TMEM135: variants seen among roughly 807,000 people sequenced by gnomAD.
TMEM135 encodes the protein peroxisomal membrane protein 52.
Under a neutral mutation model 60.3 loss-of-function variants are expected in TMEM135, and 30 were observed. The ratio of observed to expected loss-of-function variants is 0.50; its 90% confidence interval spans 0.37 to 0.68. The LOEUF is 0.68. Ranked by LOEUF, TMEM135 falls within the 30% of genes least tolerant of loss-of-function variation. The pLI is 0.00. For missense variants in TMEM135, 468 were observed against 548.8 expected (o/e 0.85, Z 1.47); for synonymous variants, 190 against 186.7 (o/e 1.02, Z -0.14).
At chr11:87,047,499 C>T (rs1397097283) in intron 1 of TMEM135, among the ~76,000 whole-genome samples, 1 of 150,900 alleles carries the variant, frequency 6.6e-6, no homozygotes, top group Non-Finnish European at 1.5e-5. Flanking sequence ...CACTGCCTCA[C>T]CTGGGAAGCG....
chr11:87,207,671 T>G (rs1488642252), intron 5 of TMEM135, among the ~76,000 whole-genome samples: 2 of 152,170 alleles, frequency 1.3e-5, no homozygotes, highest in African/African-American at 4.8e-5. Flanking sequence ...TTTAATAAAT[T>G]TAACACTGTC....
chr11:87,290,635 GATA>G (rs1430411483), intron 6 of TMEM135, among the ~76,000 whole-genome samples: 3 of 152,150 alleles, frequency 2.0e-5, no homozygotes, highest in Non-Finnish European at 4.4e-5. Context: ...GTATTATCCT[GATA>G]ATGATAACAT....
At chr11:87,231,052 G>A (rs1202039756) in intron 5 of TMEM135, among the ~76,000 whole-genome samples, 1 of 152,006 alleles carries the variant, frequency 6.6e-6, no homozygotes, top group Admixed American at 6.6e-5. Context: ...TGAGATATAG[G>A]AAACAAATGT....
At chr11:87,141,101 A>C (rs1938249465) in intron 4 of TMEM135, among the ~76,000 whole-genome samples, 1 of 150,836 alleles carries the variant, frequency 6.6e-6, no homozygotes, top group Non-Finnish European at 1.5e-5. Context: ...TTTAATATAA[A>C]TTTTATACTC....
chr11:87,157,207 C>T, intron 4 of TMEM135, 134 bp from the exon 5 acceptor site: 1 of 787,884 alleles, frequency 1.3e-6, no homozygotes, highest in Non-Finnish European at 2.1e-6. Flanking sequence ...GCATATACAA[C>T]TTATTGATCG....
intron 4 of TMEM135, among the ~76,000 whole-genome samples, chr11:87,127,513 A>G (rs781182240): frequency 6.6e-6 from 1 of 152,200 alleles, no homozygotes; most frequent in Non-Finnish European, 1.5e-5. Context: ...GTGGAATTGA[A>G]CTTGTATGAT....
chr11:87,046,431 C>G (rs996261134), intron 1 of TMEM135, among the ~76,000 whole-genome samples: 6 of 152,232 alleles, frequency 3.9e-5, no homozygotes, highest in Non-Finnish European at 5.9e-5. Context: ...CCCAGTAACT[C>G]AGTTTTAAAG....
chr11:87,294,655 T>A (rs1942319066), intron 6 of TMEM135, among the ~76,000 whole-genome samples: 1 of 152,228 alleles, frequency 6.6e-6, no homozygotes, highest in Non-Finnish European at 1.5e-5. Flanking sequence ...AGTGCTGAGA[T>A]TACAGGTGTG....
In TMEM135 at chr11:87,118,650, A is replaced by G. The variant is rs182979185; in HGVS notation, c.396+27255A>G. Among the ~76,000 whole-genome samples, 281 of 152,044 alleles carry G rather than the reference A, an allele frequency of 1.8e-3. 1 individual carries two copies. The highest frequency in any genetic ancestry group is 6.3e-3 in the African/African-American group (260 of 41,478). ...TTTTTAGTACAGATGGGGTTTCACT[A>G]TGTTGGCCAAGCTGCTCTCCTGACC... On this transcript the variant is annotated intron_variant, in intron 4 of 14. Coordinates refer to ENST00000305494, the MANE Select transcript of TMEM135 (RefSeq NM_022918.4).
intron 6 of TMEM135, among the ~76,000 whole-genome samples, chr11:87,267,383 A>C (rs984188628): frequency 1.3e-5 from 2 of 152,170 alleles, no homozygotes; most frequent in Non-Finnish European, 2.9e-5. Context: ...TTTACACAAG[A>C]TAAGCATTCT....
chr11:87,206,003 T>C (rs374062427), intron 5 of TMEM135, among the ~76,000 whole-genome samples: 1 of 152,190 alleles, frequency 6.6e-6, no homozygotes, highest in Non-Finnish European at 1.5e-5. Flanking sequence ...TAATAAATCT[T>C]TGTTTTTCTT....
intron 4 of TMEM135, among the ~76,000 whole-genome samples, chr11:87,123,186 CGTG>C (rs1937631285): frequency 1.3e-5 from 2 of 152,178 alleles, no homozygotes; most frequent in Admixed American, 1.3e-4. Context: ...TTATCACAAA[CGTG>C]GTGGCTTTCG....
chr11:87,066,289 T>C (rs1001286859), intron 1 of TMEM135, among the ~76,000 whole-genome samples: 1 of 152,174 alleles, frequency 6.6e-6, no homozygotes, highest in Admixed American at 6.5e-5. Flanking sequence ...TTTCTACGAC[T>C]AGTGAGGAGT....
intron 5 of TMEM135, among the ~76,000 whole-genome samples, chr11:87,189,893 G>A (rs1277961179): frequency 3.3e-5 from 5 of 151,932 alleles, no homozygotes; most frequent in Admixed American, 3.3e-4. Flanking sequence ...TCCAACCTGG[G>A]TGACAGAGCA....
intron 4 of TMEM135, among the ~76,000 whole-genome samples, chr11:87,135,413 A>G (rs1238369302): frequency 6.6e-6 from 1 of 151,920 alleles, no homozygotes; most frequent in Non-Finnish European, 1.5e-5. Flanking sequence ...TGTGTAAAGT[A>G]TCGATCACAG....
intron 4 of TMEM135, among the ~76,000 whole-genome samples, chr11:87,122,160 G>A (rs1264680040): frequency 1.3e-5 from 2 of 151,988 alleles, no homozygotes; most frequent in African/African-American, 4.8e-5. Context: ...GATATTTTCT[G>A]CCTACATTAT....
At chr11:87,230,188 G>C (rs1940860719) in intron 5 of TMEM135, among the ~76,000 whole-genome samples, 1 of 151,904 alleles carries the variant, frequency 6.6e-6, no homozygotes, top group African/African-American at 2.4e-5. Flanking sequence ...TGCCTGTTCT[G>C]GAATTTTATA....
intron 4 of TMEM135, among the ~76,000 whole-genome samples, chr11:87,105,901 T>C (rs2445550): frequency 0.55 from 83,238 of 151,944 alleles, 23,612 homozygotes; most frequent in East Asian, 0.71. Flanking sequence ...TTTATGTTTG[T>C]ACTCATTCAC....
At chr11:87,253,594 T>C (rs1941463419) in intron 6 of TMEM135, among the ~76,000 whole-genome samples, 1 of 53,746 alleles carries the variant, frequency 1.9e-5, no homozygotes, top group African/African-American at 7.2e-5. Flanking sequence ...GTAGCCTCTT[T>C]GTCAATCAAG....
Sources: allele counts gnomAD v4.1 joint callset (sites outside exome capture counted in the v4.1 genomes callset), GRCh38; gene constraint gnomAD v4.1.1; transcripts MANE v1.5; gene names NCBI Gene and HGNC (gene_info 2026-07-23, HGNC 2026-07-21).